The following ZBTB40 variants were observed in gnomAD, a reference collection of about 807,000 sequenced individuals.
The protein encoded by ZBTB40 is zinc finger and BTB domain containing 40.
ZBTB40 carries 60 observed loss-of-function variants against 117.5 expected under a neutral mutation model. The ratio of observed to expected loss-of-function variants is 0.51; its 90% CI spans 0.41 to 0.63. The LOEUF is 0.63. Among genes scored for constraint, ZBTB40 ranks in the 30% least tolerant of loss-of-function variants. The probability of loss-of-function intolerance (pLI) is 0.00; values close to 1 mark genes in which losing one functional copy is unlikely to be tolerated. For missense variants in ZBTB40, 1,287 were observed against 1,498.5 expected (o/e 0.86, Z 2.33); for synonymous variants, 525 against 577.1 (o/e 0.91, Z 1.29).
At chr1:22,447,498 A>G (rs183182273), upstream of ZBTB40, among the ~76,000 whole-genome samples, 10 of 152,338 alleles carry the variant, frequency 6.6e-5, no homozygotes, top group African/African-American at 1.7e-4. Flanking sequence ...TCTTGGAGCT[A>G]GAAACCCTGA....
intron 1 of ZBTB40, among the ~76,000 whole-genome samples, chr1:22,469,029 A>T (rs994425852): frequency 6.9e-6 from 1 of 145,882 alleles, no homozygotes; most frequent in Middle Eastern, 4.1e-3. Context: ...GAGTGTCACT[A>T]TGTTGCCCAG....
chr1:22,498,158 C>A (rs1371463992), intron 3 of ZBTB40, among the ~76,000 whole-genome samples: 1 of 152,172 alleles, frequency 6.6e-6, no homozygotes, highest in Non-Finnish European at 1.5e-5. Context: ...ATTTAGATTA[C>A]TTCTGTGACC....
At chr1:22,522,945 C>CTTTTTTTTTTTTTTTTTTTTTTT (rs34232963) in intron 16 of ZBTB40, among the ~76,000 whole-genome samples, 6 of 93,910 alleles carry the variant, frequency 6.4e-5, no homozygotes, top group Admixed American at 1.4e-4. Flanking sequence ...TAAGATGTAC[C>CTTTTTTTTTTTTTTTTTTTTTTT]TTTTTTTTTT....
At chr1:22,447,102 CAAAA>C (rs74800364), upstream of ZBTB40, among the ~76,000 whole-genome samples, 4 of 102,658 alleles carry the variant, frequency 3.9e-5, no homozygotes, top group Admixed American at 2.0e-4. Context: ...GACCTTATCT[CAAAA>C]AAAAAAAAAA....
intron 1 of ZBTB40, among the ~76,000 whole-genome samples, chr1:22,470,192 A>G (rs1371897012): frequency 2.0e-5 from 3 of 152,200 alleles, no homozygotes; most frequent in Non-Finnish European, 4.4e-5. Flanking sequence ...CTTGATTTCT[A>G]TCAATTCTTT....
At chr1:22,470,635 T>G (rs993820005) in intron 1 of ZBTB40, among the ~76,000 whole-genome samples, 14 of 152,124 alleles carry the variant, frequency 9.2e-5, no homozygotes, top group African/African-American at 2.7e-4. Context: ...ACTGAAAAAT[T>G]AGCACATGGT....
chr1:22,495,534 C>T (rs1211961828), intron 3 of ZBTB40, among the ~76,000 whole-genome samples: 6 of 151,762 alleles, frequency 4.0e-5, no homozygotes, highest in Middle Eastern at 3.4e-3. Context: ...TTTTTTGAGA[C>T]GGAATCTTGC....
rs1007680858 is a variant in ZBTB40 at position 22,529,478 on chromosome 1, A to G, written c.*3082A>G. The G allele has an allele frequency of 1.3e-5, 2 of 152,414 alleles. No individual in the cohort carries two copies. Among genetic ancestry groups the G allele is most frequent in the African/African-American group, 2.4e-5 (1 of 41,458 alleles). The allele number at this position is 152,414 out of a possible 1,614,324, so 9.4% of individuals were successfully genotyped here. On this transcript the variant is annotated 3_prime_UTR_variant, in exon 18 of 18. Transcript: ENST00000375647. ...TTCTGTGGGAATACTGGGGTCAGTT[A>G]TGGAACAGGACTTGCCCATCATAGG...
At position 22,511,183 on chromosome 1, in the gene ZBTB40, T is replaced by G. The variant is rs965743970; in HGVS notation, c.1838T>G (p.Leu613Arg). ...EHLAETVKEILSIPSETASPE... is the reference protein window; with the variant it reads ...EHLAETVKEIRSIPSETASPE... ...TGTCTCCTGGTATTCATTTAGATTCTGAGCATTCCCTCTGAGACAGCCAGC... is the reference window on the plus strand; with the variant it reads ...TGTCTCCTGGTATTCATTTAGATTCGGAGCATTCCCTCTGAGACAGCCAGC... Residue 613 changes from leucine (L) to arginine (R), a missense_variant, in exon 10 of 18, where the codon CTG (leucine) becomes CGG (arginine). Transcript: ENST00000375647. The G allele has an allele frequency of 6.2e-7, 1 of 1,613,922 alleles. No homozygotes were observed. The highest frequency in any genetic ancestry group is 1.7e-5 in the Admixed American group (1 of 59,990).
chr1:22,501,840 C>G (rs1026759927), intron 4 of ZBTB40, among the ~76,000 whole-genome samples, 156 bp downstream of exon 4: 6 of 152,182 alleles, frequency 3.9e-5, no homozygotes, highest in African/African-American at 1.4e-4. Context: ...GTTAAATATA[C>G]ACCAACTAAA....
rs71020419 is a variant in ZBTB40, at chr1:22,441,473, CT to C, written c.-70+12481del. On this transcript the variant is annotated intron_variant, in intron 1 of 8. Coordinates refer to the ZBTB40 transcript ENST00000650433. ...TGCTTCAGTCTTTATTATTTGCTTT[CT>C]TTTTTTTTTTTTTTTTTTTTTGAGA... Among the ~76,000 whole-genome samples, 344 of 73,694 alleles carry C rather than the reference CT, an allele frequency of 4.7e-3. 2 individuals are homozygous for C. Among genetic ancestry groups the C allele is most frequent in the Admixed American group, 0.04 (187 of 4,694 alleles). 48.3% of individuals were successfully genotyped at this position (73,694 alleles called of 152,430 possible).
intron 1 of ZBTB40, among the ~76,000 whole-genome samples, chr1:22,473,680 A>G (rs2124408067): frequency 6.6e-6 from 1 of 152,300 alleles, no homozygotes; most frequent in East Asian, 1.9e-4. Context: ...TGGCTCACTG[A>G]CCAGTTCCCT....
intron 1 of ZBTB40, among the ~76,000 whole-genome samples, chr1:22,459,746 G>A (rs995458365): frequency 5.3e-5 from 8 of 152,220 alleles, no homozygotes; most frequent in Non-Finnish European, 1.0e-4. Context: ...ATGACTTGAT[G>A]GTATTTTTAT....
chr1:22,447,750 G>T (rs1272454668), upstream of ZBTB40, among the ~76,000 whole-genome samples: 8 of 152,220 alleles, frequency 5.3e-5, no homozygotes, highest in African/African-American at 1.7e-4. Flanking sequence ...ATCTGGGATG[G>T]ATAAGCAGGC....
intron 13 of ZBTB40, 51 bp from the exon 14 acceptor site, chr1:22,520,009 TG>T (rs1639476741): frequency 1.3e-6 from 2 of 1,516,124 alleles, no homozygotes; most frequent in African/African-American, 2.7e-5. Context: ...CTGCCTATGG[TG>T]TTTTCTTTTC....
intron 1 of ZBTB40, among the ~76,000 whole-genome samples, chr1:22,487,558 T>C (rs887921220): frequency 1.3e-5 from 2 of 152,128 alleles, no homozygotes; most frequent in Non-Finnish European, 2.9e-5. Flanking sequence ...TGTTTCTCTC[T>C]GTCCTTCACA....
intron 1 of ZBTB40, among the ~76,000 whole-genome samples, chr1:22,472,191 T>C (rs906723174): frequency 2.6e-5 from 4 of 152,086 alleles, no homozygotes; most frequent in Non-Finnish European, 4.4e-5. Flanking sequence ...GCTGCTTTTT[T>C]TTTTTTTCAG....
In ZBTB40 at chr1:22,501,532, C is replaced by T; in HGVS notation, c.872C>T (p.Ala291Val). The change falls in exon 4 of 18, where the codon GCA becomes GTA. Residue 291 changes from alanine to valine, a missense_variant. Physicochemically the swap from Ala to Val is moderately conservative, Grantham distance 64. Around this residue, in one of 2 missense-constraint regions of ZBTB40, gnomAD observed 870 missense variants for 934.4 expected, o/e 0.93. Transcript: ENST00000375647. ...KCFEGEGGHSAFQRILGKVRE... is the reference protein window; with the variant it reads ...KCFEGEGGHSVFQRILGKVRE... ...TTCGAGGGTGAAGGAGGACATTCAGCATTCCAGAGAATCCTGGGTAAAGTA... is the reference window on the plus strand; with the variant it reads ...TTCGAGGGTGAAGGAGGACATTCAGTATTCCAGAGAATCCTGGGTAAAGTA... 3 of 1,614,142 alleles carry T rather than the reference C, an allele frequency of 1.9e-6. No individual in the cohort carries two copies. The highest frequency in any genetic ancestry group is 2.5e-6 in the Non-Finnish European group (3 of 1,180,014).
intron 5 of ZBTB40, among the ~76,000 whole-genome samples, chr1:22,505,086 T>G (rs1027091251): frequency 1.4e-4 from 21 of 152,220 alleles, no homozygotes; most frequent in Non-Finnish European, 2.6e-4. Flanking sequence ...GTTTTAAAGC[T>G]AAAATCATTA....
Sources: allele counts gnomAD v4.1 joint callset (sites outside exome capture counted in the v4.1 genomes callset), GRCh38; gene constraint gnomAD v4.1.1; regional missense constraint gnomAD v4.1.1; transcripts MANE v1.5; gene names NCBI Gene and HGNC (gene_info 2026-07-23, HGNC 2026-07-21).